TRPM3: variants seen among roughly 807,000 people sequenced by gnomAD.
TRPM3 encodes long transient receptor potential channel 3.
Under a neutral mutation model 181.2 loss-of-function variants are expected in TRPM3, and 77 were observed. The observed-to-expected ratio is 0.42, with a 90% CI of 0.35 to 0.51. The LOEUF is 0.51. Among genes scored for constraint, TRPM3 ranks in the 20% least tolerant of loss-of-function variants. The pLI, the probability that TRPM3 is intolerant of heterozygous loss-of-function variation, is 0.01. For missense variants in TRPM3, 1,759 were observed against 2,196.7 expected, an observed-to-expected ratio of 0.80 and a Z score of 3.98; for synonymous variants, 745 against 796.4, an observed-to-expected ratio of 0.94 and a Z score of 1.09.
intron 1 of TRPM3, among the ~76,000 whole-genome samples, chr9:71,082,263 G>A (rs547277248): frequency 5.8e-4 from 89 of 152,242 alleles, no homozygotes; most frequent in Non-Finnish European, 1.1e-3. Flanking sequence ...TTATGTAGTG[G>A]TCATTGCTAG....
chr9:71,260,280 G>A (rs1291268657), intron 1 of TRPM3, among the ~76,000 whole-genome samples: 2 of 152,136 alleles, frequency 1.3e-5, no homozygotes, highest in Non-Finnish European at 2.9e-5. Context: ...TTTGGTTACT[G>A]TAGTCTTGTA....
At chr9:71,176,726 T>C (rs906725757) in intron 1 of TRPM3, among the ~76,000 whole-genome samples, 1 of 152,146 alleles carries the variant, frequency 6.6e-6, no homozygotes, top group Non-Finnish European at 1.5e-5. Context: ...CCATTCATGG[T>C]GCATGCCCTA....
At chr9:71,305,977 G>T (rs561279510) in intron 1 of TRPM3, among the ~76,000 whole-genome samples, 3 of 152,196 alleles carry the variant, frequency 2.0e-5, no homozygotes, top group East Asian at 3.9e-4. Context: ...AGGGTGCTTT[G>T]TTGTACACAC....
chr9:71,072,246 C>T (rs1358925633), intron 1 of TRPM3, among the ~76,000 whole-genome samples: 1 of 152,140 alleles, frequency 6.6e-6, no homozygotes, highest in Non-Finnish European at 1.5e-5. Context: ...AGTTGGTCAG[C>T]ATCAAGGCCA....
rs1000345948 is a variant in TRPM3, at chr9:71,070,681, A to C, written c.177+50497T>G. ...GATGAGGTTTGGAGAGGATGACAGGATAAAAAGAGATGTTTAATTTCTGAA... is the reference window on the plus strand; with the variant it reads ...GATGAGGTTTGGAGAGGATGACAGGCTAAAAAGAGATGTTTAATTTCTGAA... On this transcript the variant is annotated intron_variant, in intron 1 of 25. Transcript: ENST00000677713. Among the ~76,000 whole-genome samples the C allele has an allele frequency of 4.6e-5, 7 of 152,338 alleles. No homozygotes were observed. The East Asian group carries it at 1.2e-3, about 25-fold the overall frequency.
chr9:71,199,019 T>C (rs1023522506), intron 1 of TRPM3, among the ~76,000 whole-genome samples: 33 of 144,582 alleles, frequency 2.3e-4, no homozygotes, highest in Non-Finnish European at 4.3e-4. Flanking sequence ...TTGTCATAGA[T>C]AGCTCTTATT....
At chr9:71,069,479 G>A (rs1187521345) in intron 1 of TRPM3, among the ~76,000 whole-genome samples, 6 of 149,924 alleles carry the variant, frequency 4.0e-5, no homozygotes, top group Admixed American at 2.0e-4. Flanking sequence ...GCCTGGCCAA[G>A]AATGTGTAAT....
intron 7 of TRPM3, among the ~76,000 whole-genome samples, chr9:70,782,471 C>T (rs1049227730): frequency 1.3e-5 from 2 of 152,086 alleles, no homozygotes; most frequent in African/African-American, 4.8e-5. Context: ...CTTGGCCTCC[C>T]AAAGTGCTGG....
chr9:71,163,364 G>A (rs1029722325), intron 1 of TRPM3, among the ~76,000 whole-genome samples: 3 of 152,084 alleles, frequency 2.0e-5, no homozygotes, highest in African/African-American at 7.2e-5. Flanking sequence ...GTAGATTGAT[G>A]AGACTGATGT....
At chr9:71,166,036 A>G (rs1482686648) in intron 1 of TRPM3, among the ~76,000 whole-genome samples, 2 of 152,188 alleles carry the variant, frequency 1.3e-5, no homozygotes, top group Non-Finnish European at 2.9e-5. Context: ...AGGTTCCCAT[A>G]GCATGTCAGC....
At chr9:71,192,759 A>G (rs1283326905) in intron 1 of TRPM3, among the ~76,000 whole-genome samples, 2 of 151,712 alleles carry the variant, frequency 1.3e-5, no homozygotes. Context: ...TTTTAGGTTG[A>G]TGTAGTCCCA....
intron 25 of TRPM3, among the ~76,000 whole-genome samples, chr9:70,545,277 A>T (rs1236300238): frequency 6.6e-6 from 1 of 152,242 alleles, no homozygotes; most frequent in African/African-American, 2.4e-5. Context: ...GCTCAAAAAA[A>T]GTAAATGAAT....
At chr9:70,969,069 T>G (rs1045325720) in intron 1 of TRPM3, among the ~76,000 whole-genome samples, 1 of 152,142 alleles carries the variant, frequency 6.6e-6, no homozygotes, top group African/African-American at 2.4e-5. Context: ...ATCGGACTGA[T>G]GAGGCAATCT....
At chr9:71,213,395 G>C (rs546176664) in intron 1 of TRPM3, among the ~76,000 whole-genome samples, 1 of 152,172 alleles carries the variant, frequency 6.6e-6, no homozygotes, top group South Asian at 2.1e-4. Flanking sequence ...GCCAAAGCTT[G>C]AACTAAACAT....
In TRPM3 at chr9:71,134,553, A is replaced by AAG. The variant is rs1161111195; in HGVS notation, c.184-270043_184-270042insCT. ...GTGACAGAGCAATGCTCCATCTCAA[A>AAG]AAAAAAAAAAAAAGGAAAAAAAATT... On this transcript the variant is annotated intron_variant, in intron 1 of 24. Coordinates refer to the TRPM3 transcript ENST00000357533. 7.5e-3 allele frequency among the ~76,000 whole-genome samples: 1,133 copies of AAG among 151,152 alleles called. 9 individuals are homozygous for AAG. Among genetic ancestry groups the AAG allele is most frequent in the Non-Finnish European group, 0.013 (899 of 67,732 alleles).
At chr9:71,015,130 G>T (rs1293032240) in intron 1 of TRPM3, among the ~76,000 whole-genome samples, 1 of 152,004 alleles carries the variant, frequency 6.6e-6, no homozygotes, top group South Asian at 2.1e-4. Flanking sequence ...CTCTCCTGTT[G>T]CATTTGGTAC....
intron 1 of TRPM3, among the ~76,000 whole-genome samples, chr9:71,439,731 C>T (rs2094107154): frequency 6.6e-6 from 1 of 152,108 alleles, no homozygotes; most frequent in South Asian, 2.1e-4. Context: ...AATTGTTCAT[C>T]TCTAATGTGT....
chr9:70,748,607 G>A (rs1055680164), intron 8 of TRPM3, among the ~76,000 whole-genome samples: 20 of 152,012 alleles, frequency 1.3e-4, no homozygotes, highest in Non-Finnish European at 2.1e-4. Context: ...TGGGATTAGT[G>A]CCCTTACGAA....
intron 1 of TRPM3, among the ~76,000 whole-genome samples, chr9:71,022,780 AC>A (rs1410700071): frequency 6.6e-6 from 1 of 152,198 alleles, no homozygotes; most frequent in Non-Finnish European, 1.5e-5. Flanking sequence ...GCACATGTAC[AC>A]CTATGTAACA....
Sources: allele counts gnomAD v4.1 joint callset (sites outside exome capture counted in the v4.1 genomes callset), GRCh38; gene constraint gnomAD v4.1.1; transcripts MANE v1.5; gene names NCBI Gene and HGNC (gene_info 2026-07-23, HGNC 2026-07-21).